Variants in DNAH17 observed in about 807,000 individuals in gnomAD.
The protein encoded by DNAH17 is dynein axonemal heavy chain 17.
In DNAH17, 376 loss-of-function variants were observed where a neutral mutation model predicts 485.6. The observed-to-expected ratio is 0.77, with a 90% CI of 0.71 to 0.84. DNAH17 has a LOEUF of 0.84. Ranked by LOEUF, DNAH17 falls within the 40% of genes least tolerant of loss-of-function variation. The probability of loss-of-function intolerance (pLI) is 0.00; values close to 1 mark genes in which losing one functional copy is unlikely to be tolerated. For synonymous variants in DNAH17, 3,031 were observed against 2,405.9 expected (o/e 1.26, Z -7.60); for missense variants, 6,370 against 5,839.3 (o/e 1.09, Z -2.96).
At chr17:78,453,253 A>T in intron 65 of DNAH17, 90 bp downstream of exon 65, 1 of 1,523,100 alleles carries the variant, frequency 6.6e-7, no homozygotes, top group Middle Eastern at 1.7e-4. Flanking sequence ...AGCAAAGGAA[A>T]TTCCGGGCGT....
In DNAH17 at chr17:78,469,138, TTC is replaced by T. The variant is rs1207777429; in HGVS notation, c.8512-257_8512-256del. On this transcript the variant is annotated intron_variant, in intron 54 of 80. Transcript: ENST00000389840. ...GCCGCCATGGGGCCAACTTTCTTTT[TTC>T]TGTCTTTTTCTTTTTTTTTGAGACT... Among the ~76,000 whole-genome samples, 3 of 151,056 alleles carry T rather than the reference TTC, an allele frequency of 2.0e-5. No homozygotes were observed. The East Asian group carries it at 5.8e-4, about 29-fold the overall frequency.
intron 48 of DNAH17, 97 bp downstream of exon 48, chr17:78,484,771 T>C: frequency 5.6e-6 from 1 of 179,788 alleles, no homozygotes; most frequent in Non-Finnish European, 7.7e-6. Flanking sequence ...AGTCCTGCCC[T>C]ACTGCCCTGG....
rs948403528 is a variant in DNAH17 at position 78,426,461 on chromosome 17, A to C, written c.12911T>G (p.Ile4304Ser). The change falls in exon 79 of 81, where the codon ATC becomes AGC. Residue 4304 changes from isoleucine to serine, a missense_variant. By Grantham distance (142) the Ile-to-Ser change is moderately radical. Transcript: ENST00000389840. ...CTCAGAGAAAACGGCACTTACCCTG[A>C]TGCGGAGCAGCAGGTCTGCGTACCA... ...AAWYADLLLR[I>S]RELEAWTTDF... is the part of the protein sequence containing the mutation. The C allele has an allele frequency of 1.2e-6, 2 of 1,600,346 alleles. No individual in the cohort carries two copies. The highest frequency in any genetic ancestry group is 3.5e-5 in the Admixed American group (2 of 56,752).
intron 38 of DNAH17, among the ~76,000 whole-genome samples, chr17:78,495,436 T>TA (rs2090034490): frequency 1.0e-5 from 1 of 99,608 alleles, no homozygotes; most frequent in Non-Finnish European, 1.9e-5. Flanking sequence ...ATCCTGGGAG[T>TA]GTTTTTTTTT....
In DNAH17 at chr17:78,526,717, C is replaced by G; in HGVS notation, c.3645G>C (p.Arg1215Ser). Reference sequence around the variant, plus strand: ...ACGGGGCCTCGCGCCTGAACCTCTCCCTGAACTCATGTTGCTTGAGCTGCG... The same window carrying G: ...ACGGGGCCTCGCGCCTGAACCTCTCGCTGAACTCATGTTGCTTGAGCTGCG... ...QQFELKQHEF[R>S]ERFRREAPFS... The change falls in exon 24 of 81, where the codon AGG (arginine) becomes AGC (serine). Residue 1215 changes from arginine to serine, a missense_variant. Transcript: ENST00000389840. The G allele has an allele frequency of 6.2e-7, 1 of 1,609,524 alleles. No individual in the cohort carries two copies. The highest frequency in any genetic ancestry group is 8.5e-7 in the Non-Finnish European group (1 of 1,176,624).
intron 31 of DNAH17, among the ~76,000 whole-genome samples, chr17:78,503,521 C>G (rs2090378578): frequency 6.6e-6 from 1 of 151,980 alleles, no homozygotes; most frequent in Non-Finnish European, 1.5e-5. Flanking sequence ...GGATCTCGCT[C>G]TGCTGCCCCG....
At chr17:78,510,662 G>T in intron 26 of DNAH17, 156 bp from the exon 27 acceptor site, 1 of 961,892 alleles carries the variant, frequency 1.0e-6, no homozygotes, top group Middle Eastern at 2.9e-4. Context: ...TCAGCTCTGA[G>T]ACTTGAGGAA....
rs142154170 is a variant in DNAH17, at chr17:78,566,655, G to T, written c.1528C>A (p.Gln510Lys). 2.0e-5 allele frequency: 32 copies of T among 1,610,862 alleles called. No individual in the cohort carries two copies. The highest frequency in any genetic ancestry group is 2.7e-5 in the African/African-American group (2 of 74,870). ...ATACAGCTGCAGTCATCAAATCCTT[G>T]GCAAAAGATCGTGGCCAGCCTCCTA... ...LDRRLATIFC[Q>K]GFDDCSCIKS... Residue 510 changes from glutamine to lysine, a missense_variant, in exon 11 of 81, where the codon CAA becomes AAA. Gln to Lys is a moderately conservative substitution (Grantham distance 53). Coordinates refer to ENST00000389840, the MANE Select transcript of DNAH17 (RefSeq NM_173628.4).
chr17:78,530,249 G>A (rs1349596700), intron 21 of DNAH17, 94 bp downstream of exon 21: 2 of 1,407,970 alleles, frequency 1.4e-6, no homozygotes, highest in African/African-American at 2.9e-5. Flanking sequence ...CCCCAGAGGA[G>A]GCACCTGACA....
At position 78,501,773 on chromosome 17, in the gene DNAH17, C is replaced by T. The variant is rs776388948; in HGVS notation, c.5291G>A (p.Arg1764Gln). The T allele has an allele frequency of 9.9e-6, 16 of 1,613,724 alleles. No homozygotes were observed. Among genetic ancestry groups the T allele is most frequent in the African/African-American group, 2.7e-5 (2 of 74,942 alleles). ...MTICTIDVHA[R>Q]DVVAKMIVAK... ...CACGATCATTTTGGCCACCACGTCC[C>T]GTGCGTGCACATCGATGGTGCAGAT... is the stretch of plus-strand genomic sequence containing the variant. Residue 1764 changes from arginine to glutamine, a missense_variant, in exon 34 of 81, where the codon CGG becomes CAG. Coordinates refer to ENST00000389840, the MANE Select transcript of DNAH17 (RefSeq NM_173628.4).
At position 78,458,995 on chromosome 17, in the gene DNAH17, A is replaced by G; in HGVS notation, c.9861+6T>C. ...TTCGCAGGGACGGGAGCGAGCCGGCACTTACGGCAATCTTGTTTTTGATCC... is the reference window on the plus strand; with the variant it reads ...TTCGCAGGGACGGGAGCGAGCCGGCGCTTACGGCAATCTTGTTTTTGATCC... On this transcript the variant is annotated splice_donor_region_variant and intron_variant, in intron 61 of 80. Coordinates refer to ENST00000389840, the MANE Select transcript of DNAH17 (RefSeq NM_173628.4). 2 of 1,614,002 alleles carry G rather than the reference A, an allele frequency of 1.2e-6. No individual in the cohort carries two copies. The highest frequency in any genetic ancestry group is 1.7e-4 in the Middle Eastern group (1 of 6,060).
intron 54 of DNAH17, chr17:78,472,597 A>G: frequency 5.5e-6 from 2 of 365,378 alleles, no homozygotes; most frequent in East Asian, 1.1e-4. Context: ...ACAGAAATAA[A>G]AACTCCCCAC....
Position 78,434,179 on chromosome 17 carries a change from G to A in DNAH17, c.12075C>T (p.Cys4025=), listed in dbSNP as rs751471914. The A allele has an allele frequency of 4.3e-6, 7 of 1,613,228 alleles. No individual in the cohort carries two copies. In the African/African-American group the frequency reaches 6.7e-5, roughly 15 times the overall value. The change falls in exon 75 of 81, where the codon TGC becomes TGT. Residue 4025 remains cysteine, a synonymous_variant. Coordinates refer to ENST00000389840, the MANE Select transcript of DNAH17 (RefSeq NM_173628.4). ...EMCTKEMEFK[C]MLFALCYFHA... is the part of the protein sequence containing the mutation. ...GGAAGTAGCACAGGGCGAAGAGCATGCACTTGAACTCCATCTCCTTGGTGC... is the reference window on the plus strand; with the variant it reads ...GGAAGTAGCACAGGGCGAAGAGCATACACTTGAACTCCATCTCCTTGGTGC...
At chr17:78,458,419 C>T (rs1194532941) in intron 62 of DNAH17, 146 bp downstream of exon 62, 4 of 674,234 alleles carry the variant, frequency 5.9e-6, no homozygotes, top group Non-Finnish European at 1.0e-5. Context: ...AAGTTTTATC[C>T]TAATTACTTT....
At chr17:78,543,822 T>G in intron 17 of DNAH17, 35 bp downstream of exon 17, 2 of 1,613,908 alleles carry the variant, frequency 1.2e-6, no homozygotes, top group African/African-American at 1.3e-5. Context: ...TAAAAGCAAG[T>G]GGGTTCTCAA....
In DNAH17 at chr17:78,426,977, G is replaced by A. The variant is rs35782078; in HGVS notation, c.12720C>T (p.Ile4240=). 1,092 of 1,610,962 alleles carry A rather than the reference G, an allele frequency of 6.8e-4. 5 individuals carry two copies. In the African/African-American group the frequency reaches 0.012, roughly 18 times the overall value. ...GCGAACGGCGCATTTCGTTGGTCAG[G>A]ATGTTCATTCTTTCACATTCTTGAA... ...VAFQECERMN[I]LTNEMRRSLK... Residue 4240 remains isoleucine (I), a synonymous_variant, in exon 78 of 81, where the codon ATC becomes ATT. Coordinates refer to ENST00000389840, the MANE Select transcript of DNAH17 (RefSeq NM_173628.4).
intron 55 of DNAH17, among the ~76,000 whole-genome samples, chr17:78,467,435 T>C (rs1047347244): frequency 9.2e-5 from 14 of 152,184 alleles, no homozygotes; most frequent in African/African-American, 2.9e-4. Flanking sequence ...GACGTGAGGG[T>C]GCAGGACAGA....
intron 64 of DNAH17, among the ~76,000 whole-genome samples, chr17:78,454,269 G>T (rs563886590): frequency 5.6e-4 from 86 of 152,338 alleles, no homozygotes; most frequent in African/African-American, 2.0e-3. Flanking sequence ...TGCAGGAGCA[G>T]CAGGTGATGG....
rs975374635 is a variant in DNAH17, at chr17:78,428,852, G to A, written c.12406-145C>T. 2.9e-6 allele frequency: 3 copies of A among 1,042,478 alleles called. No individual in the cohort carries two copies. The Admixed American group carries it at 6.9e-5, about 24-fold the overall frequency. The allele number at this position is 1,042,478 out of a possible 1,614,324, so 64.6% of individuals were successfully genotyped here. On this transcript the variant is annotated intron_variant, in intron 76 of 80. Coordinates refer to ENST00000389840, the MANE Select transcript of DNAH17 (RefSeq NM_173628.4). ...ACTTGTTTCCCAGCCCCCTTTGTGG[G>A]CTGCCCCCTGTGCTCCCAGCGACAT... is the stretch of plus-strand genomic sequence containing the variant.
Sources: allele counts gnomAD v4.1 joint callset (sites outside exome capture counted in the v4.1 genomes callset), GRCh38; gene constraint gnomAD v4.1.1; transcripts MANE v1.5; gene names NCBI Gene and HGNC (gene_info 2026-07-23, HGNC 2026-07-21).